ST6GALNAC1: variants seen among roughly 807,000 people sequenced by gnomAD.
The protein encoded by ST6GALNAC1 is ST6 N-acetylgalactosaminide alpha-2,6-sialyltransferase 1.
ST6GALNAC1 carries 45 observed loss-of-function variants against 56.8 expected under a neutral mutation model. The ratio of observed to expected loss-of-function variants is 0.79; its 90% confidence interval spans 0.62 to 1.02. The LOEUF is 1.02. Ranked by LOEUF, ST6GALNAC1 falls within the 50% of genes least tolerant of loss-of-function variation. ST6GALNAC1 has a pLI of 0.00. For synonymous variants in ST6GALNAC1, 295 were observed against 297.8 expected (o/e 0.99, Z 0.10); for missense variants, 743 against 754.8 (o/e 0.98, Z 0.18).
intron 6 of ST6GALNAC1, 51 bp from the exon 7 acceptor site, chr17:76,626,146 G>A (rs753329733): frequency 6.3e-7 from 1 of 1,591,920 alleles, no homozygotes; most frequent in South Asian, 1.1e-5. Flanking sequence ...CTGGTCTGGG[G>A]TGGGCCAAGT....
chr17:76,640,645 A>C (rs2076038029), intron 1 of ST6GALNAC1, among the ~76,000 whole-genome samples: 1 of 152,226 alleles, frequency 6.6e-6, no homozygotes, highest in Non-Finnish European at 1.5e-5. Context: ...ATTCTTATTA[A>C]GCTTAAAGAA....
At chr17:76,639,172 G>A (rs1318886895) in intron 1 of ST6GALNAC1, among the ~76,000 whole-genome samples, 1 of 152,112 alleles carries the variant, frequency 6.6e-6, no homozygotes, top group Non-Finnish European at 1.5e-5. Context: ...AAGTTTAAAC[G>A]TTTTGGCCTG....
chr17:76,625,654 G>A, intron 8 of ST6GALNAC1, 127 bp from the exon 9 acceptor site: 1 of 1,241,390 alleles, frequency 8.1e-7, no homozygotes. Context: ...TCTGGGTGCA[G>A]GTCCCTGGAT....
chr17:76,626,816 G>A, intron 4 of ST6GALNAC1, 27 bp from the exon 5 acceptor site: 1 of 1,613,510 alleles, frequency 6.2e-7, no homozygotes, highest in Non-Finnish European at 8.5e-7. Context: ...AATCAGACGG[G>A]ACAGGTGAGC....
intron 4 of ST6GALNAC1, 88 bp from the exon 5 acceptor site, chr17:76,626,877 G>A: frequency 6.4e-7 from 1 of 1,557,744 alleles, no homozygotes; most frequent in South Asian, 1.1e-5. Flanking sequence ...AGAAATGGGG[G>A]AGGCAGCAGT....
chr17:76,630,079 C>G (rs1160651492), intron 1 of ST6GALNAC1, among the ~76,000 whole-genome samples: 1 of 152,082 alleles, frequency 6.6e-6, no homozygotes, highest in Non-Finnish European at 1.5e-5. Flanking sequence ...AGCCACCGTG[C>G]CTGGCCAGAA....
At chr17:76,626,224 C>A in intron 6 of ST6GALNAC1, 65 bp downstream of exon 6, 1 of 1,578,840 alleles carries the variant, frequency 6.3e-7, no homozygotes. Context: ...CCTGTCCAAC[C>A]CTTTAGAGCC....
chr17:76,640,436 C>T (rs528291692), intron 1 of ST6GALNAC1, among the ~76,000 whole-genome samples: 65 of 152,318 alleles, frequency 4.3e-4, no homozygotes, highest in Non-Finnish European at 5.3e-4. Flanking sequence ...AGGCCAGGCC[C>T]GGTCACTATG....
the ST6GALNAC1 span, among the ~76,000 whole-genome samples, chr17:76,619,392 T>C: frequency 6.6e-6 from 1 of 152,204 alleles, no homozygotes; most frequent in Admixed American, 6.5e-5. Context: ...TTCCCACCCA[T>C]AGAATTCTTT....
Position 76,627,339 on chromosome 17 carries a change from C to G in ST6GALNAC1, c.1000+76G>C. 1 of 1,573,930 alleles carries G rather than the reference C, an allele frequency of 6.4e-7. No individual in the cohort carries two copies. The highest frequency in any genetic ancestry group is 8.6e-7 in the Non-Finnish European group (1 of 1,157,102). ...TGGCAAACCCCAGGGAAGAGGCAGA[C>G]CAGAAAGCCAGCTGCCCTCTGCCCT... On this transcript the variant is annotated intron_variant, in intron 3 of 8. Coordinates refer to ENST00000156626, the MANE Select transcript of ST6GALNAC1 (RefSeq NM_018414.5). This position sits in a 1 kb window ranked among gnomAD's most constrained non-coding sequence, Gnocchi z 4.4.
rs759747324 is a variant in ST6GALNAC1 at position 76,629,278 on chromosome 17, C to T, written c.565G>A (p.Ala189Thr). The change falls in exon 2 of 9, where the codon GCA becomes ACA. Residue 189 changes from alanine (A) to threonine (T), a missense_variant. Ala to Thr is a moderately conservative substitution (Grantham distance 58). Transcript: ENST00000156626. ...GGAATGAGCGTCTTGGCTGTGGTTG[C>T]CGCTTTGCCCTGGTGCTTCTCTGAC... ...TVSEKHQGKA[A>T]TTAKTLIPKS... 1.9e-6 allele frequency: 3 copies of T among 1,614,150 alleles called. No homozygotes were observed. Among genetic ancestry groups the T allele is most frequent in the Non-Finnish European group, 2.5e-6 (3 of 1,180,044 alleles).
At chr17:76,624,570 G>A (rs921700639), downstream of ST6GALNAC1, among the ~76,000 whole-genome samples, 49 of 152,160 alleles carry the variant, frequency 3.2e-4, no homozygotes, top group African/African-American at 1.1e-3. Context: ...AGTTGTTAGG[G>A]TTGTTCCAGG....
chr17:76,627,415 A>T lies in ST6GALNAC1; in HGVS notation c.1000T>A (p.Leu334Met), dbSNP rs750801387. The T allele has an allele frequency of 6.2e-7, 1 of 1,614,108 alleles. No individual in the cohort carries two copies. The highest frequency in any genetic ancestry group is 1.1e-5 in the South Asian group (1 of 91,080). ...PFGFMELNYS[L>M]VQKVVTRFPP... ...ACCTTCCCCTGGGTTAAGGACTCAC[A>T]GGAGTAGTTGAGCTCCATGAAGCCA... The change falls in exon 3 of 9, where the codon TTG becomes ATG. Residue 334 changes from leucine to methionine, a missense_variant and splice_region_variant. Transcript: ENST00000156626. This position sits in a 1 kb window ranked among gnomAD's most constrained non-coding sequence, Gnocchi z 4.4.
At chr17:76,642,922 CAAAAAA>C (rs59053510) in intron 1 of ST6GALNAC1, among the ~76,000 whole-genome samples, 1 of 87,238 alleles carries the variant, frequency 1.1e-5, no homozygotes. Flanking sequence ...GACTCCGTCT[CAAAAAA>C]AAAAAAAAAA....
chr17:76,632,643 G>C (rs2075919524), intron 1 of ST6GALNAC1, among the ~76,000 whole-genome samples: 2 of 152,170 alleles, frequency 1.3e-5, no homozygotes, highest in African/African-American at 4.8e-5. Flanking sequence ...TGGGTGTTGA[G>C]ATAGACATTT....
At position 76,626,469 on chromosome 17, in the gene ST6GALNAC1, C is replaced by T. The variant is rs561249773; in HGVS notation, c.1312-77G>A. On this transcript the variant is annotated intron_variant, in intron 5 of 8. Coordinates refer to ENST00000156626, the MANE Select transcript of ST6GALNAC1 (RefSeq NM_018414.5). ...ACCGAGGGTGGCCCAGCTCTGACTC[C>T]GACTGCCCACTTGCTCTGCTCTGGA... 1.7e-3 allele frequency: 2,637 copies of T among 1,523,830 alleles called. 9 individuals carry two copies. Among genetic ancestry groups the T allele is most frequent in the Non-Finnish European group, 1.9e-3 (2,074 of 1,101,798 alleles). 94.4% of individuals were successfully genotyped at this position (1,523,830 alleles called of 1,614,324 possible).
At chr17:76,630,109 G>A (rs934129303) in intron 1 of ST6GALNAC1, among the ~76,000 whole-genome samples, 2 of 152,036 alleles carry the variant, frequency 1.3e-5, no homozygotes, top group East Asian at 1.9e-4. Context: ...AAACAAAAGC[G>A]GAATAGAATT....
chr17:76,621,946 T>TTC (rs2075745659), downstream of ST6GALNAC1, among the ~76,000 whole-genome samples: 1 of 149,166 alleles, frequency 6.7e-6, no homozygotes, highest in African/African-American at 2.4e-5. Context: ...TTCTTTTCTT[T>TTC]TTTTTTTTTT....
intron 5 of ST6GALNAC1, 104 bp from the exon 6 acceptor site, chr17:76,626,496 T>C (rs763924383): frequency 1.4e-5 from 21 of 1,482,730 alleles, no homozygotes; most frequent in Non-Finnish European, 2.0e-5. Context: ...TGCTCTGGAC[T>C]GGTCTGACTG....
Sources: allele counts gnomAD v4.1 joint callset (sites outside exome capture counted in the v4.1 genomes callset), GRCh38; gene constraint gnomAD v4.1.1; non-coding constraint Gnocchi (gnomAD v3.1); transcripts MANE v1.5; gene names NCBI Gene and HGNC (gene_info 2026-07-23, HGNC 2026-07-21).